The following ELOC variants were observed in gnomAD, a reference collection of about 807,000 sequenced individuals.
ELOC encodes the protein elongin C.
For missense variants in ELOC, 38 were observed against 139.0 expected (o/e 0.27, Z 3.65); for synonymous variants, 40 against 51.3 (o/e 0.78, Z 0.94).
chr8:73,959,501 A>C (rs1039329635), intron 2 of ELOC, among the ~76,000 whole-genome samples: 1 of 152,260 alleles, frequency 6.6e-6, no homozygotes, highest in South Asian at 2.1e-4. Flanking sequence ...CTATACAAGG[A>C]CAAGATCATC....
At chr8:73,953,608 C>G (rs1246518539) in intron 3 of ELOC, among the ~76,000 whole-genome samples, 1 of 151,482 alleles carries the variant, frequency 6.6e-6, no homozygotes, top group East Asian at 1.9e-4. Flanking sequence ...TGTGGTGAAC[C>G]AAGACTGCAC....
chr8:73,956,341 C>T (rs143130621), intron 2 of ELOC, among the ~76,000 whole-genome samples: 3 of 152,152 alleles, frequency 2.0e-5, no homozygotes, highest in African/African-American at 4.8e-5. Flanking sequence ...GCCGAGATCA[C>T]GCCACTGTAG....
intron 3 of ELOC, among the ~76,000 whole-genome samples, chr8:73,953,375 G>A (rs549111523): frequency 6.6e-6 from 1 of 151,504 alleles, no homozygotes; most frequent in South Asian, 2.1e-4. Flanking sequence ...CATTAAGATA[G>A]CAGTGATAAA....
intron 1 of ELOC, 120 bp downstream of exon 1, chr8:73,971,957 G>C (rs996550116): frequency 1.3e-5 from 2 of 152,200 alleles, no homozygotes; most frequent in Admixed American, 6.5e-5. Context: ...AACAGCTTCC[G>C]TTCCTTCCCC....
In ELOC at chr8:73,961,342, C is replaced by T. The variant is rs184445010; in HGVS notation, c.-50-1524G>A. The stretch of plus-strand genomic sequence containing the variant: ...AAGAAAATGAACCATAACACTTCAA[C>T]GCAGAAAAGGAACTTGCAAGTAACC... On this transcript the variant is annotated intron_variant, in intron 1 of 3. Transcript: ENST00000520242. Among the ~76,000 whole-genome samples, 13 of 152,284 alleles carry T rather than the reference C, an allele frequency of 8.5e-5. No individual in the cohort carries two copies. In the East Asian group the frequency reaches 1.5e-3, roughly 18 times the overall value.
At chr8:73,949,071 A>G (rs1813575988) in intron 3 of ELOC, among the ~76,000 whole-genome samples, 1 of 152,232 alleles carries the variant, frequency 6.6e-6, no homozygotes, top group Admixed American at 6.5e-5. Flanking sequence ...TTACACATAG[A>G]GATAAAATAT....
intron 2 of ELOC, among the ~76,000 whole-genome samples, chr8:73,959,110 GA>G (rs1563680217): frequency 1.3e-5 from 2 of 152,188 alleles, no homozygotes; most frequent in Non-Finnish European, 2.9e-5. Flanking sequence ...ACGATGAATG[GA>G]GTCTGCAGGA....
At chr8:73,969,764 C>T (rs1815232706) in intron 1 of ELOC, 1 of 152,200 alleles carries the variant, frequency 6.6e-6, no homozygotes, top group Non-Finnish European at 1.5e-5. Context: ...ACTATACTTG[C>T]TTACTTACAC....
At chr8:73,950,888 A>G (rs1813707181) in intron 3 of ELOC, among the ~76,000 whole-genome samples, 1 of 152,256 alleles carries the variant, frequency 6.6e-6, no homozygotes, top group Non-Finnish European at 1.5e-5. Context: ...GTGCAGGGGA[A>G]CTATTGCAGA....
At chr8:73,967,753 C>A (rs1366599365) in intron 1 of ELOC, among the ~76,000 whole-genome samples, 2 of 152,180 alleles carry the variant, frequency 1.3e-5, no homozygotes, top group Non-Finnish European at 2.9e-5. Flanking sequence ...CAGGCGTGAG[C>A]CACTGCATCC....
chr8:73,970,385 G>A (rs1399145535), intron 1 of ELOC, among the ~76,000 whole-genome samples: 1 of 152,184 alleles, frequency 6.6e-6, no homozygotes. Flanking sequence ...GTATAGGACT[G>A]ACTATAACTT....
intron 1 of ELOC, among the ~76,000 whole-genome samples, chr8:73,963,243 G>T (rs576350573): frequency 3.9e-5 from 6 of 152,214 alleles, no homozygotes; most frequent in African/African-American, 1.4e-4. Flanking sequence ...GTTGAATCTA[G>T]TATCAGTGAA....
chr8:73,963,579 TG>T (rs2131162708), intron 1 of ELOC, among the ~76,000 whole-genome samples: 1 of 152,354 alleles, frequency 6.6e-6, no homozygotes, highest in East Asian at 1.9e-4. Context: ...TTGACTTACT[TG>T]AATTACCTAA....
chr8:73,953,833 T>TTC (rs1370945555), intron 3 of ELOC, among the ~76,000 whole-genome samples: 49 of 152,124 alleles, frequency 3.2e-4, no homozygotes, highest in African/African-American at 1.2e-3. Flanking sequence ...GCAACTGCAC[T>TTC]TCTAAGAAGA....
At chr8:73,955,591 GCAAGA>G (rs1174876001) in intron 3 of ELOC, 3 of 254,018 alleles carry the variant, frequency 1.2e-5, no homozygotes, top group African/African-American at 7.0e-5. Flanking sequence ...GGGCAACAGA[GCAAGA>G]CTCTGTCTCA....
intron 3 of ELOC, 44 bp from the exon 4 acceptor site, chr8:73,946,864 C>T: frequency 6.6e-7 from 1 of 1,521,044 alleles, no homozygotes; most frequent in Non-Finnish European, 9.0e-7. Context: ...TGAATTGTGT[C>T]CTCCAAATTC....
Position 73,946,010 on chromosome 8 carries a change from T to C in ELOC, c.*620A>G, listed in dbSNP as rs1272037107. 1 of 151,354 alleles carries C rather than the reference T, an allele frequency of 6.6e-6. No homozygotes were observed. The highest frequency in any genetic ancestry group is 1.5e-5 in the Non-Finnish European group (1 of 68,012). 9.4% of individuals were successfully genotyped at this position (151,354 alleles called of 1,614,324 possible). ...GACCATCTGGCTACAGTTCAGTTTC[T>C]TCTGCAAAAGCTGTACCTAGTAACC... On this transcript the variant is annotated 3_prime_UTR_variant, in exon 4 of 4. Transcript: ENST00000520242.
At chr8:73,952,991 A>C (rs1320073639) in intron 3 of ELOC, among the ~76,000 whole-genome samples, 2 of 152,138 alleles carry the variant, frequency 1.3e-5, no homozygotes, top group African/African-American at 4.8e-5. Flanking sequence ...ATCATTAGTC[A>C]TTAAGGAAAT....
At chr8:73,970,864 CA>C (rs1170234343) in intron 1 of ELOC, among the ~76,000 whole-genome samples, 1,885 of 112,206 alleles carry the variant, frequency 0.017, 27 homozygotes, top group African/African-American at 0.035. Context: ...AAAAACAAAA[CA>C]AAACAAAAAA....
Sources: allele counts gnomAD v4.1 joint callset (sites outside exome capture counted in the v4.1 genomes callset), GRCh38; gene constraint gnomAD v4.1.1; transcripts MANE v1.5; gene names NCBI Gene and HGNC (gene_info 2026-07-23, HGNC 2026-07-21).